The following ARID5B variants were observed in gnomAD, a reference collection of about 807,000 sequenced individuals.
ARID5B encodes AT-rich interactive domain-containing protein 5B.
A neutral mutation model predicts 97.2 loss-of-function variants in ARID5B; 13 were observed. The ratio of observed to expected loss-of-function variants is 0.13; its 90% CI spans 0.09 to 0.21. ARID5B has a LOEUF of 0.21. ARID5B is among the 10% of genes least tolerant of loss of function. The pLI, the probability that ARID5B is intolerant of heterozygous loss-of-function variation, is 1.00. For synonymous variants in ARID5B, 556 were observed against 570.3 expected (o/e 0.97, Z 0.36); for missense variants, 1,210 against 1,465.3 (o/e 0.83, Z 2.84).
Position 62,092,207 on chromosome 10 carries a change from A to G in ARID5B, c.2744A>G (p.His915Arg). The G allele has an allele frequency of 6.2e-7, 1 of 1,611,026 alleles. No individual in the cohort carries two copies. The highest frequency in any genetic ancestry group is 8.5e-7 in the Non-Finnish European group (1 of 1,178,816). Residue 915 changes from histidine to arginine, a missense_variant, in exon 10 of 10, where the codon CAC (histidine) becomes CGC (arginine). By Grantham distance (29) the His-to-Arg change is conservative. Transcript: ENST00000279873. Reference sequence around the variant, plus strand: ...GATCTGAGCCTTCCCAAGAACCCGCACAAACCTACCGGCAAGGTCCTGGGC... The same window carrying G: ...GATCTGAGCCTTCCCAAGAACCCGCGCAAACCTACCGGCAAGGTCCTGGGC... ...PTDLSLPKNPHKPTGKVLGLA... is the reference protein window; with the variant it reads ...PTDLSLPKNPRKPTGKVLGLA...
chr10:62,068,201 G>A (rs909188965), intron 7 of ARID5B, among the ~76,000 whole-genome samples: 6 of 152,150 alleles, frequency 3.9e-5, no homozygotes, highest in African/African-American at 9.7e-5. Flanking sequence ...TTGAAAGGGC[G>A]TTGAAACCAT....
chr10:61,951,935 G>T (rs970380937), intron 3 of ARID5B, among the ~76,000 whole-genome samples: 1 of 151,750 alleles, frequency 6.6e-6, no homozygotes, highest in Non-Finnish European at 1.5e-5. Context: ...TTACAGAGGT[G>T]TTTCATACTT....
At chr10:61,979,673 G>C (rs906958325) in intron 3 of ARID5B, among the ~76,000 whole-genome samples, 15 of 152,314 alleles carry the variant, frequency 9.8e-5, no homozygotes, top group African/African-American at 3.6e-4. Context: ...CCTCTATCCA[G>C]GTCTGGCACA....
chr10:62,018,860 A>G (rs979382656), intron 4 of ARID5B, among the ~76,000 whole-genome samples: 6 of 152,162 alleles, frequency 3.9e-5, no homozygotes, highest in African/African-American at 9.7e-5. Context: ...CAGCTGCCAG[A>G]TTCATACCAC....
rs766155061 is a variant in ARID5B, at chr10:62,091,751, C to G, written c.2288C>G (p.Ser763Trp). 1 of 1,614,116 alleles carries G rather than the reference C, an allele frequency of 6.2e-7. No homozygotes were observed. Among genetic ancestry groups the G allele is most frequent in the South Asian group, 1.1e-5 (1 of 91,078 alleles). The part of the protein sequence containing the change: ...QHVQSFRSKP[S>W]EERKTINDIF... ...GTCCAGAGTTTCAGAAGCAAGCCCT[C>G]GGAAGAGAGAAAGACCATCAATGAC... is the stretch of plus-strand genomic sequence containing the variant. The change falls in exon 10 of 10, where the codon TCG (serine) becomes TGG (tryptophan). Residue 763 changes from serine (S) to tryptophan (W), a missense_variant. Around this residue, in one of 8 missense-constraint regions of ARID5B, gnomAD observed 800 missense variants for 839.1 expected, o/e 0.95. Coordinates refer to ENST00000279873, the MANE Select transcript of ARID5B (RefSeq NM_032199.3).
chr10:62,000,025 A>C lies in ARID5B; in HGVS notation c.503-66A>C. The C allele has an allele frequency of 1.4e-6, 2 of 1,460,744 alleles. No homozygotes were observed. The highest frequency in any genetic ancestry group is 1.9e-6 in the Non-Finnish European group (2 of 1,044,900). 90.5% of individuals were successfully genotyped at this position (1,460,744 alleles called of 1,614,324 possible). On this transcript the variant is annotated intron_variant, in intron 3 of 9. Transcript: ENST00000279873. The surrounding 1 kb of genome is among the most constrained non-coding windows in gnomAD (Gnocchi z 4.4). Reference sequence around the variant, plus strand: ...AACCAGAAGTGATTATTGAAATTATACCATGGCCATGAAAGTTCTTTGTCA... The same window carrying C: ...AACCAGAAGTGATTATTGAAATTATCCCATGGCCATGAAAGTTCTTTGTCA...
intron 7 of ARID5B, among the ~76,000 whole-genome samples, chr10:62,064,147 C>T (rs958342978): frequency 1.7e-4 from 26 of 152,216 alleles, no homozygotes; most frequent in Non-Finnish European, 1.5e-5. Flanking sequence ...TAGGCTTTGA[C>T]ATCAAATTCT....
At chr10:62,028,920 G>A (rs1839457748) in intron 4 of ARID5B, among the ~76,000 whole-genome samples, 1 of 149,872 alleles carries the variant, frequency 6.7e-6, no homozygotes, top group Non-Finnish European at 1.5e-5. Flanking sequence ...TCACGCCACT[G>A]CGCTCCAGCC....
intron 4 of ARID5B, among the ~76,000 whole-genome samples, chr10:62,008,874 C>A (rs1435846893): frequency 1.3e-5 from 2 of 152,202 alleles, no homozygotes. Context: ...ATACACCTCT[C>A]CGTGATTTTC....
At chr10:62,021,811 G>T (rs191616923) in intron 4 of ARID5B, among the ~76,000 whole-genome samples, 1 of 152,162 alleles carries the variant, frequency 6.6e-6, no homozygotes, top group African/African-American at 2.4e-5. Context: ...TAGCTCCCTG[G>T]TTTGGTTCAA....
At chr10:62,058,177 T>C (rs1839880818) in intron 6 of ARID5B, among the ~76,000 whole-genome samples, 1 of 152,224 alleles carries the variant, frequency 6.6e-6, no homozygotes, top group African/African-American at 2.4e-5. Flanking sequence ...TATAAACTTA[T>C]ATAACTACGA....
chr10:61,948,528 G>A (rs913962671), intron 3 of ARID5B, among the ~76,000 whole-genome samples: 26 of 151,832 alleles, frequency 1.7e-4, no homozygotes, highest in Admixed American at 1.2e-3. Context: ...CACCACATCC[G>A]GCTAATTTTT....
At position 62,001,565 on chromosome 10, in the gene ARID5B, T is replaced by C. The variant is rs559442458; in HGVS notation, c.733+1244T>C. 1.1e-4 allele frequency among the ~76,000 whole-genome samples: 17 copies of C among 152,312 alleles called. No individual in the cohort carries two copies. In the South Asian group the frequency reaches 3.1e-3, roughly 28 times the overall value. On this transcript the variant is annotated intron_variant, in intron 4 of 9. Transcript: ENST00000279873. ...GCCTCTTAAATTTGATTCTTCATGA[T>C]TCCAACAGCCCTGGTGCTGCTACTA...
chr10:62,032,981 C>A (rs1839516458), intron 4 of ARID5B, among the ~76,000 whole-genome samples: 1 of 152,178 alleles, frequency 6.6e-6, no homozygotes, highest in Admixed American at 6.5e-5. Flanking sequence ...AAGCCTTCAA[C>A]CCTCTATGGG....
In ARID5B at chr10:62,095,637, C is replaced by A. The variant is rs959534292; in HGVS notation, c.*2607C>A. On this transcript the variant is annotated 3_prime_UTR_variant, in exon 10 of 10. Coordinates refer to ENST00000279873, the MANE Select transcript of ARID5B (RefSeq NM_032199.3). ...GAGAAATGGGGGTACGCATTCCCAA[C>A]AGAAGCAGTGTGTTATTTGTTTTAA... 1 of 233,350 alleles carries A rather than the reference C, an allele frequency of 4.3e-6. No homozygotes were observed. Among genetic ancestry groups the A allele is most frequent in the African/African-American group, 2.2e-5 (1 of 45,350 alleles). 14.5% of individuals were successfully genotyped at this position (233,350 alleles called of 1,614,324 possible). A position where few individuals can be genotyped will look rare whatever the true frequency, so the allele number is the denominator to read the frequency against.
chr10:61,940,500 A>G (rs1844381495), intron 3 of ARID5B, 92 bp downstream of exon 3: 2 of 1,076,516 alleles, frequency 1.9e-6, no homozygotes, highest in African/African-American at 1.6e-5. Context: ...TCATTTATAT[A>G]TAAATGTATT....
chr10:62,085,563 T>G lies in ARID5B; in HGVS notation c.1200-139T>G, dbSNP rs540535556. ...CAGAACACTAAAGTGTAGAGTAAGT[T>G]TATAGAAGTATAGCACTGTCACTGG... On this transcript the variant is annotated intron_variant, in intron 8 of 9. Coordinates refer to ENST00000279873, the MANE Select transcript of ARID5B (RefSeq NM_032199.3). 199 of 748,214 alleles carry G rather than the reference T, an allele frequency of 2.7e-4. 1 individual carries two copies. The highest frequency in any genetic ancestry group is 4.3e-4 in the Non-Finnish European group (191 of 447,290). The allele number at this position is 748,214 out of a possible 1,614,324, so 46.3% of individuals were successfully genotyped here.
intron 3 of ARID5B, among the ~76,000 whole-genome samples, chr10:61,976,483 C>G (rs1236083248): frequency 1.3e-5 from 2 of 152,088 alleles, no homozygotes; most frequent in African/African-American, 4.8e-5. Flanking sequence ...AATGCCAAGG[C>G]TCAGGAAATT....
intron 2 of ARID5B, among the ~76,000 whole-genome samples, chr10:61,936,566 G>A (rs1467413364): frequency 6.6e-6 from 1 of 152,200 alleles, no homozygotes; most frequent in Non-Finnish European, 1.5e-5. Context: ...TGCAGGAGCT[G>A]AGATCGTGCC....
Sources: gnomAD v4.1 joint callset for allele counts (sites outside exome capture counted in the v4.1 genomes callset) on GRCh38, gnomAD v4.1.1 for gene constraint, gnomAD v4.1.1 regional missense constraint, Gnocchi (gnomAD v3.1) non-coding constraint, MANE v1.5 for transcripts, NCBI Gene and HGNC (gene_info 2026-07-23, HGNC 2026-07-21) for gene names.